SYCP2L: variants seen among roughly 807,000 people sequenced by gnomAD.
SYCP2L encodes synaptonemal complex protein 2 like, also known as synaptonemal complex protein 2-like.
Under a neutral mutation model 125.8 loss-of-function variants are expected in SYCP2L, and 98 were observed. That is an observed-to-expected ratio of 0.78 (90% confidence interval 0.66 to 0.92). SYCP2L has a LOEUF of 0.92. Ranked by LOEUF, SYCP2L falls within the 40% of genes least tolerant of loss-of-function variation. The probability of loss-of-function intolerance (pLI) is 0.00; values close to 1 mark genes in which losing one functional copy is unlikely to be tolerated. For missense variants in SYCP2L, 842 were observed against 936.4 expected (o/e 0.90, Z 1.32); for synonymous variants, 317 against 325.4 (o/e 0.97, Z 0.28).
At chr6:10,960,385 A>G (rs1332850087) in intron 26 of SYCP2L, among the ~76,000 whole-genome samples, 2 of 152,158 alleles carry the variant, frequency 1.3e-5, no homozygotes, top group Admixed American at 6.5e-5. Context: ...CTGTGTATTC[A>G]CTCAGCAAAT....
chr6:10,928,027 T>C (rs1457705319), intron 17 of SYCP2L, among the ~76,000 whole-genome samples: 1 of 152,204 alleles, frequency 6.6e-6, no homozygotes, highest in Non-Finnish European at 1.5e-5. Context: ...TCTCTCTTAT[T>C]CCCTGAACAT....
At chr6:10,888,744 C>A (rs556154316) in intron 1 of SYCP2L, among the ~76,000 whole-genome samples, 4 of 152,140 alleles carry the variant, frequency 2.6e-5, no homozygotes, top group African/African-American at 9.7e-5. Context: ...TAAAGGCTCC[C>A]GGGAATATTT....
intron 23 of SYCP2L, among the ~76,000 whole-genome samples, chr6:10,953,747 C>G (rs1172535705): frequency 6.6e-6 from 1 of 152,180 alleles, no homozygotes; most frequent in African/African-American, 2.4e-5. Flanking sequence ...GCCTTACCCT[C>G]TAGTGTGGGA....
chr6:10,959,257 T>C (rs1781557273), intron 26 of SYCP2L, among the ~76,000 whole-genome samples: 1 of 152,266 alleles, frequency 6.6e-6, no homozygotes, highest in Admixed American at 6.5e-5. Flanking sequence ...ATACCATGGA[T>C]GAACCTTGAA....
intron 18 of SYCP2L, among the ~76,000 whole-genome samples, chr6:10,929,284 T>C (rs1780950507): frequency 6.6e-6 from 1 of 152,194 alleles, no homozygotes; most frequent in Admixed American, 6.5e-5. Flanking sequence ...ATTTGGGATC[T>C]AGAGACTGAA....
At chr6:10,950,428 C>T (rs561648861) in intron 23 of SYCP2L, among the ~76,000 whole-genome samples, 46 of 152,302 alleles carry the variant, frequency 3.0e-4, no homozygotes, top group African/African-American at 1.1e-3. Context: ...GATTTACACT[C>T]AGATTTAATC....
chr6:10,910,992 A>C (rs1028154156), intron 12 of SYCP2L, 123 bp downstream of exon 12: 6 of 1,005,308 alleles, frequency 6.0e-6, no homozygotes, highest in Non-Finnish European at 9.4e-6. Context: ...AAGGATGCCA[A>C]CGTCTTCTAA....
At chr6:10,887,559 T>C (rs1780096220) in intron 1 of SYCP2L, among the ~76,000 whole-genome samples, 1 of 152,122 alleles carries the variant, frequency 6.6e-6, no homozygotes, top group Non-Finnish European at 1.5e-5. Context: ...AAAGCTACAA[T>C]TATTACTTAT....
At chr6:10,966,394 T>G (rs567807054) in intron 29 of SYCP2L, among the ~76,000 whole-genome samples, 1 of 152,348 alleles carries the variant, frequency 6.6e-6, no homozygotes, top group African/African-American at 2.4e-5. Context: ...TAGCGATTAG[T>G]TACTCTGTAG....
chr6:10,891,685 A>G (rs1257806690), intron 2 of SYCP2L, 104 bp downstream of exon 2: 22 of 743,876 alleles, frequency 3.0e-5, no homozygotes, highest in Non-Finnish European at 4.5e-5. Flanking sequence ...GAGTGTATGT[A>G]TTCTTTCTAG....
At chr6:10,935,693 C>T (rs1561693240) in intron 21 of SYCP2L, among the ~76,000 whole-genome samples, 2 of 152,228 alleles carry the variant, frequency 1.3e-5, no homozygotes, top group East Asian at 3.9e-4. Context: ...CGGAGTTTCA[C>T]CATGTTGGCC....
At chr6:10,892,786 G>T (rs1007941663) in intron 2 of SYCP2L, among the ~76,000 whole-genome samples, 10 of 152,182 alleles carry the variant, frequency 6.6e-5, no homozygotes, top group African/African-American at 2.4e-4. Flanking sequence ...AGCTCACTAT[G>T]TGTTAACTTA....
At chr6:10,956,113 C>T (rs376287722) in intron 24 of SYCP2L, 23 bp from the exon 25 acceptor site, 182 of 1,570,292 alleles carry the variant, frequency 1.2e-4, no homozygotes, top group Non-Finnish European at 1.4e-4. Context: ...AGTTTTATTC[C>T]ATGTTTTGTT....
At chr6:10,971,908 T>G (rs1270122313) in intron 29 of SYCP2L, among the ~76,000 whole-genome samples, 1 of 152,144 alleles carries the variant, frequency 6.6e-6, no homozygotes, top group Non-Finnish European at 1.5e-5. Flanking sequence ...ACTACTCACT[T>G]CAGGTGATCC....
chr6:10,955,259 A>G, intron 24 of SYCP2L, 42 bp downstream of exon 24: 1 of 1,275,014 alleles, frequency 7.8e-7, no homozygotes, highest in Non-Finnish European at 1.1e-6. Flanking sequence ...TAGGAGTGGG[A>G]TAAATGGGTC....
intron 8 of SYCP2L, among the ~76,000 whole-genome samples, chr6:10,903,782 TAAAA>T (rs960339479): frequency 2.0e-5 from 3 of 151,834 alleles, no homozygotes; most frequent in Non-Finnish European, 4.4e-5. Flanking sequence ...AATAAAAAAA[TAAAA>T]AAGACATTCC....
Position 10,906,059 on chromosome 6 carries a change from G to C in SYCP2L, c.676+5G>C. ...GGACACTCTTGACTGTGGGTGGTAA[G>C]AAATTTTAGAATTTTCAGTATTAGA... On this transcript the variant is annotated splice_donor_5th_base_variant and intron_variant, in intron 9 of 29. Transcript: ENST00000283141. 6.3e-7 allele frequency: 1 copy of C among 1,581,968 alleles called. No individual in the cohort carries two copies. The highest frequency in any genetic ancestry group is 8.7e-7 in the Non-Finnish European group (1 of 1,152,586).
At position 10,961,270 on chromosome 6, in the gene SYCP2L, A is replaced by G. The variant is rs1313777980; in HGVS notation, c.2256-35A>G. ...GAAAGTCTGCTGTCACATCCAAGCG[A>G]TCCCAATGATATTTACTGCTTTTAT... On this transcript the variant is annotated intron_variant, in intron 26 of 29. Transcript: ENST00000283141. The G allele has an allele frequency of 2.6e-6, 4 of 1,551,506 alleles. No individual in the cohort carries two copies. In the South Asian group the frequency reaches 3.4e-5, roughly 13 times the overall value.
At chr6:10,902,818 C>T (rs1293079163) in intron 7 of SYCP2L, 56 bp downstream of exon 7, 47 of 1,607,874 alleles carry the variant, frequency 2.9e-5, no homozygotes, top group Admixed American at 1.2e-4. Context: ...AAAAGAAGAT[C>T]GTACATAGGT....
Sources: allele counts gnomAD v4.1 joint callset (sites outside exome capture counted in the v4.1 genomes callset), GRCh38; gene constraint gnomAD v4.1.1; transcripts MANE v1.5; gene names NCBI Gene and HGNC (gene_info 2026-07-23, HGNC 2026-07-21).